NTRK2: variants seen among roughly 807,000 people sequenced by gnomAD.
NTRK2 encodes the protein BDNF/NT-3 growth factors receptor.
NTRK2 carries 13 observed loss-of-function variants against 94.5 expected under a neutral mutation model. The observed-to-expected ratio is 0.14, with a 90% CI of 0.09 to 0.22. NTRK2 has a LOEUF of 0.22. Ranked by LOEUF, NTRK2 falls within the 10% of genes least tolerant of loss-of-function variation. NTRK2 has a pLI of 1.00. For missense variants in NTRK2, 639 were observed against 1,071.2 expected (o/e 0.60, Z 5.63); for synonymous variants, 372 against 407.4 (o/e 0.91, Z 1.05).
At chr9:84,999,824 C>T (rs1233937152) in intron 17 of NTRK2, among the ~76,000 whole-genome samples, 1 of 152,122 alleles carries the variant, frequency 6.6e-6, no homozygotes, top group African/African-American at 2.4e-5. Flanking sequence ...GTGGACCTCC[C>T]CATGCCAGCT....
chr9:84,888,982 A>ATTTTTTTTTTTTTTTTTTTTTTT lies in NTRK2; in HGVS notation c.1633+21555_1633+21577dup, dbSNP rs71369159. On this transcript the variant is annotated intron_variant, in intron 14 of 18. Coordinates refer to ENST00000277120, the MANE Select transcript of NTRK2 (RefSeq NM_006180.6). Reference sequence around the variant, plus strand: ...TCCCCATTATTTATTAATGACAGAAATTTTTTTTTTTTTTTTTTTTTTTTT... The same window carrying ATTTTTTTTTTTTTTTTTTTTTTT: ...TCCCCATTATTTATTAATGACAGAAATTTTTTTTTTTTTTTTTTTTTTTTTTTTTTTTTTTTTTTTTTTTTTTT... Among the ~76,000 whole-genome samples the ATTTTTTTTTTTTTTTTTTTTTTT allele has an allele frequency of 7.9e-4, 80 of 101,710 alleles. 29 individuals carry two copies. The highest frequency in any genetic ancestry group is 9.7e-3 in the Middle Eastern group (2 of 206). The allele number at this position is 101,710 out of a possible 152,430, so 66.7% of individuals were successfully genotyped here. A position where few individuals can be genotyped will look rare whatever the true frequency, so the allele number is the denominator to read the frequency against.
chr9:84,941,865 C>T (rs2078420762), intron 15 of NTRK2, among the ~76,000 whole-genome samples: 1 of 152,196 alleles, frequency 6.6e-6, no homozygotes, highest in African/African-American at 2.4e-5. Flanking sequence ...ATTTTATCCA[C>T]CATATTATTG....
chr9:84,878,073 C>T (rs2076136596), intron 14 of NTRK2, among the ~76,000 whole-genome samples: 1 of 152,150 alleles, frequency 6.6e-6, no homozygotes, highest in African/African-American at 2.4e-5. Context: ...GAAGCAACTC[C>T]TTCACTCAGG....
chr9:84,795,728 T>C (rs1244689237), intron 12 of NTRK2, among the ~76,000 whole-genome samples: 4 of 152,180 alleles, frequency 2.6e-5, no homozygotes, highest in Non-Finnish European at 5.9e-5. Flanking sequence ...GTATAGCTTT[T>C]CTCTGTGCAG....
chr9:84,704,777 G>C (rs374507263), intron 4 of NTRK2, among the ~76,000 whole-genome samples: 37 of 152,290 alleles, frequency 2.4e-4, no homozygotes, highest in African/African-American at 8.4e-4. Context: ...TCATCAGATG[G>C]CAGTAAGCTT....
chr9:84,714,819 C>T (rs558252755), intron 6 of NTRK2, among the ~76,000 whole-genome samples: 4 of 152,226 alleles, frequency 2.6e-5, no homozygotes, highest in Non-Finnish European at 5.9e-5. Context: ...TATTTCCACA[C>T]TTTTTTTGGG....
At position 84,948,625 on chromosome 9, in the gene NTRK2, A is replaced by G; in HGVS notation, c.1928A>G (p.Lys643Arg). The change falls in exon 16 of 19, where the codon AAG (lysine) becomes AGG (arginine). Residue 643 changes from lysine (K) to arginine (R), a missense_variant. Around this residue, in one of 5 missense-constraint regions of NTRK2, gnomAD observed 343 missense variants for 571.5 expected, o/e 0.60. Transcript: ENST00000277120. The part of the protein sequence containing the change: ...FEYMKHGDLN[K>R]FLRAHGPDAV... ...TACATGAAGCATGGGGACCTCAACA[A>G]GTTCCTCAGGTACAGTGAGGCGGGG... 3.1e-6 allele frequency: 5 copies of G among 1,614,134 alleles called. No homozygotes were observed. The highest frequency in any genetic ancestry group is 1.7e-5 in the Admixed American group (1 of 60,018).
rs933224789 is a variant in NTRK2 at position 84,815,055 on chromosome 9, G to A, written c.1397-45985G>A. ...GCTGCCAGACTGAATTTGGCTGACA[G>A]AACTCCCAGCCCAGGAAAGTTCCAT... On this transcript the variant is annotated intron_variant, in intron 12 of 18. Coordinates refer to ENST00000277120, the MANE Select transcript of NTRK2 (RefSeq NM_006180.6). 13 of 1,058,806 alleles carry A rather than the reference G, an allele frequency of 1.2e-5. No homozygotes were observed. The African/African-American group carries it at 2.0e-4, about 16-fold the overall frequency. 65.6% of individuals were successfully genotyped at this position (1,058,806 alleles called of 1,614,324 possible). A position where few individuals can be genotyped will look rare whatever the true frequency, so the allele number is the denominator to read the frequency against.
intron 12 of NTRK2, among the ~76,000 whole-genome samples, chr9:84,838,266 A>G (rs1201067356): frequency 6.6e-6 from 1 of 152,188 alleles, no homozygotes; most frequent in African/African-American, 2.4e-5. Flanking sequence ...GGAGGAAGTT[A>G]TGTGGACAAG....
chr9:84,825,833 G>A (rs1399674997), intron 12 of NTRK2, among the ~76,000 whole-genome samples: 1 of 152,202 alleles, frequency 6.6e-6, no homozygotes, highest in African/African-American at 2.4e-5. Flanking sequence ...CAAAGCATTA[G>A]ACCACATGCC....
Position 84,699,682 on chromosome 9 carries a change from G to A in NTRK2, c.213-2477G>A, listed in dbSNP as rs1004228465. On this transcript the variant is annotated intron_variant, in intron 2 of 18. Coordinates refer to ENST00000277120, the MANE Select transcript of NTRK2 (RefSeq NM_006180.6). ...GTGTGTGTTTTTTTTTTTTTCTAAC[G>A]AGTGTATGCATTTCTAAATTGAATT... Among the ~76,000 whole-genome samples the A allele has an allele frequency of 9.3e-5, 14 of 149,738 alleles. No homozygotes were observed. The South Asian group carries it at 2.5e-3, about 27-fold the overall frequency.
intron 17 of NTRK2, among the ~76,000 whole-genome samples, chr9:84,975,218 C>T (rs1368324977): frequency 4.6e-5 from 7 of 152,032 alleles, no homozygotes; most frequent in Admixed American, 6.5e-5. Context: ...CTTTTTTCCC[C>T]CCTCTTTCCC....
intron 14 of NTRK2, among the ~76,000 whole-genome samples, chr9:84,870,269 CAT>C (rs1265107166): frequency 1.5e-5 from 2 of 133,972 alleles, no homozygotes; most frequent in Non-Finnish European, 3.2e-5. Context: ...TATATGCACA[CAT>C]ATAGGTATGT....
chr9:84,772,136 C>T (rs2066611536), intron 12 of NTRK2, among the ~76,000 whole-genome samples: 1 of 152,212 alleles, frequency 6.6e-6, no homozygotes, highest in South Asian at 2.1e-4. Flanking sequence ...TAATAAGATA[C>T]TGCCCAGCAA....
intron 14 of NTRK2, among the ~76,000 whole-genome samples, chr9:84,923,866 C>T (rs2077649929): frequency 6.6e-6 from 1 of 151,914 alleles, no homozygotes; most frequent in Non-Finnish European, 1.5e-5. Flanking sequence ...CGCCACTGCA[C>T]TCCAGCCTGG....
intron 12 of NTRK2, among the ~76,000 whole-genome samples, chr9:84,847,736 C>A (rs1292029312): frequency 6.6e-6 from 1 of 152,090 alleles, no homozygotes; most frequent in Admixed American, 6.6e-5. Flanking sequence ...ATGTCTGAGC[C>A]ATTGGTTCCA....
At chr9:84,765,755 A>C (rs1270770461) in intron 12 of NTRK2, among the ~76,000 whole-genome samples, 3 of 152,146 alleles carry the variant, frequency 2.0e-5, no homozygotes, top group African/African-American at 7.2e-5. Flanking sequence ...TGTGGTAACA[A>C]GAGAGTTTTA....
intron 14 of NTRK2, among the ~76,000 whole-genome samples, chr9:84,926,169 C>G (rs13291909): frequency 3.4e-3 from 131 of 38,572 alleles, no homozygotes; most frequent in African/African-American, 0.01. Context: ...TTCCTTCCTT[C>G]CTTTCTTTCT....
chr9:84,919,075 C>G (rs2077482581), intron 14 of NTRK2, among the ~76,000 whole-genome samples: 1 of 152,128 alleles, frequency 6.6e-6, no homozygotes, highest in Non-Finnish European at 1.5e-5. Flanking sequence ...CATGCCACCA[C>G]CTTGCGTCAT....
Sources: gnomAD v4.1 joint callset for allele counts (sites outside exome capture counted in the v4.1 genomes callset) on GRCh38, gnomAD v4.1.1 for gene constraint, gnomAD v4.1.1 regional missense constraint, MANE v1.5 for transcripts, NCBI Gene and HGNC (gene_info 2026-07-23, HGNC 2026-07-21) for gene names.